Variants in SUSD1 observed in about 807,000 individuals in gnomAD.
SUSD1 encodes sushi domain containing 1, also known as sushi domain-containing protein 1.
A neutral mutation model predicts 86.9 loss-of-function variants in SUSD1; 65 were observed. That is an observed-to-expected ratio of 0.75 (90% confidence interval 0.61 to 0.92). The LOEUF (loss-of-function observed/expected upper bound fraction) is 0.92, where lower values mean the gene tolerates loss of function less well. Among genes scored for constraint, SUSD1 ranks in the 40% least tolerant of loss-of-function variants. The pLI, the probability that SUSD1 is intolerant of heterozygous loss-of-function variation, is 0.00. For synonymous variants in SUSD1, 346 were observed against 350.0 expected (o/e 0.99, Z 0.13); for missense variants, 850 against 929.7 (o/e 0.91, Z 1.11).
chr9:112,063,267 A>G (rs1361873816), intron 12 of SUSD1, among the ~76,000 whole-genome samples: 3 of 152,148 alleles, frequency 2.0e-5, no homozygotes, highest in Non-Finnish European at 4.4e-5. Context: ...AAATTCATAG[A>G]GACAGAAGAA....
chr9:112,166,075 C>T (rs1022718542), intron 1 of SUSD1, among the ~76,000 whole-genome samples: 1 of 152,188 alleles, frequency 6.6e-6, no homozygotes, highest in African/African-American at 2.4e-5. Flanking sequence ...TTGTTCCCCA[C>T]ACCAGCAAAA....
At chr9:112,046,977 G>A (rs921127649) in intron 15 of SUSD1, among the ~76,000 whole-genome samples, 1 of 152,172 alleles carries the variant, frequency 6.6e-6, no homozygotes, top group Non-Finnish European at 1.5e-5. Flanking sequence ...GAATTCTGTG[G>A]GTGGTAAGTT....
intron 1 of SUSD1, among the ~76,000 whole-genome samples, chr9:112,163,677 T>C (rs1833662623): frequency 6.6e-6 from 1 of 151,776 alleles, no homozygotes; most frequent in African/African-American, 2.4e-5. Flanking sequence ...CTTGTCCTTA[T>C]AAAGATGCAG....
chr9:112,050,951 C>A (rs1160964705), intron 15 of SUSD1, among the ~76,000 whole-genome samples: 1 of 152,212 alleles, frequency 6.6e-6, no homozygotes, highest in Non-Finnish European at 1.5e-5. Flanking sequence ...CCCACTGCAT[C>A]TCTAAGGAAA....
chr9:112,063,202 G>A lies in SUSD1; in HGVS notation c.1754-169C>T, dbSNP rs76757377. On this transcript the variant is annotated intron_variant, in intron 12 of 16. Transcript: ENST00000374270. ...GAACATGCTAAGTGAAATACACCAG[G>A]CACAAAAGGACAGATTCTCTATCAT... Among the ~76,000 whole-genome samples, 43 of 152,250 alleles carry A rather than the reference G, an allele frequency of 2.8e-4. No individual in the cohort carries two copies. The East Asian group carries it at 8.3e-3, about 29-fold the overall frequency.
At chr9:112,078,462 G>A (rs1316301688) in intron 12 of SUSD1, 76 bp downstream of exon 12, 20 of 1,382,352 alleles carry the variant, frequency 1.4e-5, no homozygotes, top group Non-Finnish European at 2.0e-5. Flanking sequence ...AAAAGCAACA[G>A]TGTTCCTCTT....
At chr9:112,161,276 A>G (rs1274645912) in intron 1 of SUSD1, among the ~76,000 whole-genome samples, 1 of 151,956 alleles carries the variant, frequency 6.6e-6, no homozygotes, top group Non-Finnish European at 1.5e-5. Context: ...GCTACTCAGG[A>G]GGCTAAAGCA....
intron 1 of SUSD1, among the ~76,000 whole-genome samples, chr9:112,162,488 C>A (rs1330783677): frequency 6.6e-6 from 1 of 152,134 alleles, no homozygotes. Context: ...AGCTACTTCC[C>A]CAGTGAACAG....
intron 10 of SUSD1, among the ~76,000 whole-genome samples, chr9:112,092,638 A>C (rs1183529063): frequency 6.6e-6 from 1 of 152,180 alleles, no homozygotes; most frequent in Non-Finnish European, 1.5e-5. Context: ...CTAGACGTCT[A>C]ACCTATTATC....
chr9:112,111,962 T>C (rs1831119694), intron 7 of SUSD1, 122 bp from the exon 8 acceptor site: 2 of 995,770 alleles, frequency 2.0e-6, no homozygotes, highest in Admixed American at 2.7e-5. Flanking sequence ...CCAGGGAGCA[T>C]TCGTAAGGTA....
At chr9:112,051,806 T>A (rs1828226217) in intron 15 of SUSD1, among the ~76,000 whole-genome samples, 1 of 152,184 alleles carries the variant, frequency 6.6e-6, no homozygotes, top group African/African-American at 2.4e-5. Flanking sequence ...TCTTTTCCTG[T>A]GCCCCATTTC....
intron 12 of SUSD1, among the ~76,000 whole-genome samples, chr9:112,063,423 G>A (rs964093339): frequency 1.4e-4 from 22 of 152,308 alleles, no homozygotes; most frequent in Admixed American, 1.2e-3. Flanking sequence ...GCTTCAAGAT[G>A]TTAAAATGGC....
At chr9:112,173,278 G>C (rs1377764003) in intron 1 of SUSD1, among the ~76,000 whole-genome samples, 1 of 152,150 alleles carries the variant, frequency 6.6e-6, no homozygotes, top group East Asian at 1.9e-4. Flanking sequence ...AAGCCAAAGA[G>C]AATGGGGGTG....
intron 13 of SUSD1, among the ~76,000 whole-genome samples, chr9:112,061,801 A>T (rs1828739288): frequency 6.6e-6 from 1 of 152,090 alleles, no homozygotes; most frequent in South Asian, 2.1e-4. Flanking sequence ...TTGTAATTTT[A>T]TAATATCTCA....
chr9:112,107,460 A>G (rs1830901473), intron 8 of SUSD1, among the ~76,000 whole-genome samples: 1 of 151,952 alleles, frequency 6.6e-6, no homozygotes, highest in South Asian at 2.1e-4. Flanking sequence ...AAATAAGTAA[A>G]TAAATAAATA....
intron 6 of SUSD1, among the ~76,000 whole-genome samples, chr9:112,120,224 T>C (rs1831497048): frequency 6.6e-6 from 1 of 152,068 alleles, no homozygotes. Flanking sequence ...GAAGGATCGC[T>C]TGAGCCCAGG....
intron 10 of SUSD1, among the ~76,000 whole-genome samples, chr9:112,097,089 C>T (rs912194595): frequency 6.6e-6 from 1 of 151,998 alleles, no homozygotes; most frequent in Non-Finnish European, 1.5e-5. Context: ...CTTTGGGAGG[C>T]TGAATTGGAA....
intron 2 of SUSD1, among the ~76,000 whole-genome samples, chr9:112,154,625 C>T (rs551479603): frequency 4.6e-5 from 7 of 152,286 alleles, no homozygotes; most frequent in East Asian, 1.9e-4. Context: ...TCCTAGGTTA[C>T]AGAACACTAT....
chr9:112,170,702 T>TAC lies in SUSD1; in HGVS notation c.103+4430_103+4431insGT, dbSNP rs1425850833. Among the ~76,000 whole-genome samples the TAC allele has an allele frequency of 1.1e-4, 10 of 91,768 alleles. No homozygotes were observed. In the East Asian group the frequency reaches 2.1e-3, roughly 20 times the overall value. 60.2% of individuals were successfully genotyped at this position (91,768 alleles called of 152,430 possible). A position where few individuals can be genotyped will look rare whatever the true frequency, so the allele number is the denominator to read the frequency against. On this transcript the variant is annotated intron_variant, in intron 1 of 16. Coordinates refer to ENST00000374270, the MANE Select transcript of SUSD1 (RefSeq NM_022486.5). ...GGACAATGGCCAGATCATATATATA[T>TAC]ATATATATAGAGAGAGAGAGAGAGA...
Sources: gnomAD v4.1 joint callset for allele counts (sites outside exome capture counted in the v4.1 genomes callset) on GRCh38, gnomAD v4.1.1 for gene constraint, MANE v1.5 for transcripts, NCBI Gene and HGNC (gene_info 2026-07-23, HGNC 2026-07-21) for gene names.